CPA6: variants seen among roughly 807,000 people sequenced by gnomAD.
The protein encoded by CPA6 is carboxypeptidase A6, also known as carboxypeptidase B.
A neutral mutation model predicts 63.3 loss-of-function variants in CPA6; 58 were observed. The observed-to-expected ratio is 0.92, with a 90% CI of 0.74 to 1.14. CPA6 has a LOEUF of 1.14. Among genes scored for constraint, CPA6 ranks in the 50% most tolerant of loss-of-function variants. The pLI is 0.00. For missense variants in CPA6, 565 were observed against 526.6 expected, an observed-to-expected ratio of 1.07 and a Z score of -0.71; for synonymous variants, 185 against 179.0, an observed-to-expected ratio of 1.03 and a Z score of -0.27.
intron 8 of CPA6, among the ~76,000 whole-genome samples, chr8:67,478,576 C>T (rs962634915): frequency 1.3e-5 from 2 of 152,098 alleles, no homozygotes; most frequent in African/African-American, 4.8e-5. Flanking sequence ...TATAAGACAC[C>T]CAGCTGGTGT....
chr8:67,700,290 T>C (rs915654793), intron 1 of CPA6, among the ~76,000 whole-genome samples: 6 of 152,224 alleles, frequency 3.9e-5, no homozygotes, highest in Non-Finnish European at 7.3e-5. Flanking sequence ...ATTCTTTCAG[T>C]TTTATACATA....
intron 8 of CPA6, among the ~76,000 whole-genome samples, chr8:67,443,038 T>TGAAGG (rs1810329538): frequency 6.6e-6 from 1 of 151,248 alleles, no homozygotes; most frequent in Non-Finnish European, 1.5e-5. Context: ...CTGACCTGCA[T>TGAAGG]CATGGCAAAA....
chr8:67,564,050 AG>A (rs1387375320), intron 2 of CPA6, among the ~76,000 whole-genome samples: 2 of 152,164 alleles, frequency 1.3e-5, no homozygotes, highest in African/African-American at 4.8e-5. Flanking sequence ...GTCCTGGGGA[AG>A]GGACTTTGCA....
intron 10 of CPA6, among the ~76,000 whole-genome samples, chr8:67,426,707 C>A (rs1809894631): frequency 6.6e-6 from 1 of 152,212 alleles, no homozygotes; most frequent in African/African-American, 2.4e-5. Context: ...TAATCAGAAG[C>A]ATAATCAGAT....
intron 3 of CPA6, among the ~76,000 whole-genome samples, chr8:67,514,740 T>C (rs1812108673): frequency 6.6e-6 from 1 of 152,254 alleles, no homozygotes; most frequent in South Asian, 2.1e-4. Flanking sequence ...TATTCTTTTC[T>C]ACTGAATAGT....
intron 5 of CPA6, 88 bp from the exon 6 acceptor site, chr8:67,506,976 A>G: frequency 9.5e-6 from 9 of 948,876 alleles, no homozygotes; most frequent in South Asian, 8.1e-5. Flanking sequence ...ATAATTCTTC[A>G]CTGTAGTGTG....
At chr8:67,595,802 C>G (rs1814315367) in intron 2 of CPA6, among the ~76,000 whole-genome samples, 1 of 152,150 alleles carries the variant, frequency 6.6e-6, no homozygotes, top group African/African-American at 2.4e-5. Context: ...TTTCCTTGAC[C>G]AGGAAAGGGA....
intron 2 of CPA6, among the ~76,000 whole-genome samples, chr8:67,573,514 C>T (rs1813539282): frequency 8.1e-6 from 1 of 124,210 alleles, no homozygotes; most frequent in Admixed American, 8.5e-5. Context: ...AGAACAATCC[C>T]ATTTACAATA....
chr8:67,494,416 A>G (rs2128962795), intron 6 of CPA6, among the ~76,000 whole-genome samples: 1 of 152,274 alleles, frequency 6.6e-6, no homozygotes, highest in East Asian at 1.9e-4. Context: ...ACTCTGGTCA[A>G]ATTCATCCCA....
intron 8 of CPA6, among the ~76,000 whole-genome samples, chr8:67,466,474 A>G (rs1472504943): frequency 6.6e-6 from 1 of 151,988 alleles, no homozygotes; most frequent in Non-Finnish European, 1.5e-5. Context: ...TTCTGCTCTA[A>G]TTTTAGATTT....
chr8:67,583,510 A>G (rs895914186), intron 2 of CPA6, among the ~76,000 whole-genome samples: 3 of 152,156 alleles, frequency 2.0e-5, no homozygotes, highest in Non-Finnish European at 4.4e-5. Flanking sequence ...TTGTGGCTGA[A>G]TAAAATCCTA....
At chr8:67,666,607 C>G (rs1816232774) in intron 1 of CPA6, among the ~76,000 whole-genome samples, 1 of 152,100 alleles carries the variant, frequency 6.6e-6, no homozygotes, top group African/African-American at 2.4e-5. Flanking sequence ...ACAGGGAGGT[C>G]TTGGAAGGAT....
chr8:67,595,294 G>A (rs975015663), intron 2 of CPA6, among the ~76,000 whole-genome samples: 2 of 152,300 alleles, frequency 1.3e-5, no homozygotes, highest in South Asian at 2.1e-4. Flanking sequence ...GCCCCTGCTC[G>A]GGGGTGCCTC....
intron 1 of CPA6, among the ~76,000 whole-genome samples, chr8:67,643,432 C>T (rs538243565): frequency 6.6e-6 from 1 of 152,292 alleles, no homozygotes; most frequent in South Asian, 2.1e-4. Flanking sequence ...ATGAATCTTG[C>T]AACCATCCTA....
intron 2 of CPA6, among the ~76,000 whole-genome samples, chr8:67,559,642 A>T (rs1813154123): frequency 6.6e-6 from 1 of 152,158 alleles, no homozygotes; most frequent in Non-Finnish European, 1.5e-5. Flanking sequence ...GTGAAGAAAC[A>T]GGCAAACTTT....
At chr8:67,483,608 T>A in intron 8 of CPA6, 160 bp downstream of exon 8, 1 of 624,126 alleles carries the variant, frequency 1.6e-6, no homozygotes, top group Non-Finnish European at 2.9e-6. Flanking sequence ...CATTTTCTTT[T>A]GCCAATTACA....
chr8:67,744,402 G>A (rs554602869), intron 1 of CPA6, among the ~76,000 whole-genome samples: 1 of 152,236 alleles, frequency 6.6e-6, no homozygotes, highest in Non-Finnish European at 1.5e-5. Context: ...GGTTCCAGTC[G>A]CTACAAATTC....
intron 8 of CPA6, among the ~76,000 whole-genome samples, chr8:67,466,081 CTTGTT>C (rs1810918770): frequency 7.8e-6 from 1 of 127,650 alleles, no homozygotes; most frequent in African/African-American, 3.2e-5. Flanking sequence ...TGGTCTGAGG[CTTGTT>C]TTTTTTTTTT....
At chr8:67,678,229 A>T (rs1026266592) in intron 1 of CPA6, among the ~76,000 whole-genome samples, 19 of 108,856 alleles carry the variant, frequency 1.7e-4, no homozygotes, top group East Asian at 2.7e-4. Context: ...ACTCTGTCTC[A>T]CACACACACA....
Sources: gnomAD v4.1 joint callset for allele counts (sites outside exome capture counted in the v4.1 genomes callset) on GRCh38, gnomAD v4.1.1 for gene constraint, MANE v1.5 for transcripts, NCBI Gene and HGNC (gene_info 2026-07-23, HGNC 2026-07-21) for gene names.